MEDAG: variants seen among roughly 807,000 people sequenced by gnomAD.
The protein encoded by MEDAG is mesenteric estrogen dependent adipogenesis, also known as mesenteric estrogen-dependent adipogenesis protein.
A neutral mutation model predicts 29.9 loss-of-function variants in MEDAG; 25 were observed. The observed-to-expected ratio is 0.84, with a 90% CI of 0.61 to 1.17. The LOEUF is 1.17. Among genes scored for constraint, MEDAG ranks in the 50% most tolerant of loss-of-function variants. The pLI, the probability that MEDAG is intolerant of heterozygous loss-of-function variation, is 0.00. For missense variants in MEDAG, 398 were observed against 372.9 expected (o/e 1.07, Z -0.56); for synonymous variants, 158 against 148.2 (o/e 1.07, Z -0.48).
At chr13:30,919,769 T>C (rs976885023) in intron 2 of MEDAG, among the ~76,000 whole-genome samples, 2 of 152,180 alleles carry the variant, frequency 1.3e-5, no homozygotes. Flanking sequence ...CAGTGGCTGG[T>C]CCCTGGCTGT....
intron 1 of MEDAG, among the ~76,000 whole-genome samples, chr13:30,909,446 G>A (rs1317985093): frequency 6.6e-6 from 1 of 152,066 alleles, no homozygotes. Context: ...ACCATATTCT[G>A]GCCTTGGATG....
chr13:30,920,600 AAAG>A (rs1566128858), intron 2 of MEDAG, among the ~76,000 whole-genome samples: 2 of 152,090 alleles, frequency 1.3e-5, no homozygotes, highest in Non-Finnish European at 2.9e-5. Context: ...TAAAAAAAAA[AAAG>A]AAGAAGAAAA....
At position 30,921,733 on chromosome 13, in the gene MEDAG, C is replaced by A; in HGVS notation, c.674C>A (p.Ser225Ter). 1 of 1,613,982 alleles carries A rather than the reference C, an allele frequency of 6.2e-7. No homozygotes were observed. The highest frequency in any genetic ancestry group is 1.1e-5 in the South Asian group (1 of 91,040). ...VKVNGKVLNL[S>*]STSPEKKETI... ...GTAAATGGAAAAGTTCTGAATTTGT[C>A]AAGTACAAGTCCAGAAAAGAAGGAG... Residue 225 changes from serine (S) to a stop codon, truncating the protein, a stop_gained, in exon 4 of 5, where the codon TCA becomes TAA. Transcript: ENST00000380482. LOFTEE classifies it high-confidence loss of function.
At chr13:30,922,903 G>A (rs968823259) in intron 4 of MEDAG, 1 of 152,090 alleles carries the variant, frequency 6.6e-6, no homozygotes, top group African/African-American at 2.4e-5. Context: ...TACAGCCTGT[G>A]TTTTTTTGCT....
chr13:30,923,749 C>A (rs1953012688), intron 4 of MEDAG, among the ~76,000 whole-genome samples: 1 of 152,168 alleles, frequency 6.6e-6, no homozygotes, highest in Admixed American at 6.5e-5. Context: ...CTGTGGGCTG[C>A]CCAGAGTGTC....
At position 30,906,477 on chromosome 13, in the gene MEDAG, C is replaced by A. The variant is rs1474672228; in HGVS notation, c.-39C>A. 1.4e-6 allele frequency: 2 copies of A among 1,438,988 alleles called. No individual in the cohort carries two copies. Among genetic ancestry groups the A allele is most frequent in the Admixed American group, 2.6e-5 (1 of 39,038 alleles). 89.1% of individuals were successfully genotyped at this position (1,438,988 alleles called of 1,614,324 possible). A position where few individuals can be genotyped will look rare whatever the true frequency, so the allele number is the denominator to read the frequency against. On this transcript the variant is annotated 5_prime_UTR_variant, in exon 1 of 5. Coordinates refer to ENST00000380482, the MANE Select transcript of MEDAG (RefSeq NM_032849.4). ...GGTGCCGGCTGGGGGCTGTAGGCACCGGACGGAAGCAGGCGGTGTGAGGAC... is the reference window on the plus strand; with the variant it reads ...GGTGCCGGCTGGGGGCTGTAGGCACAGGACGGAAGCAGGCGGTGTGAGGAC...
At chr13:30,917,187 C>T (rs1952937135) in intron 1 of MEDAG, among the ~76,000 whole-genome samples, 1 of 152,116 alleles carries the variant, frequency 6.6e-6, no homozygotes, top group Non-Finnish European at 1.5e-5. Context: ...GCCAGGACAC[C>T]CCTAGGGCCA....
chr13:30,916,843 A>G (rs1952933935), intron 1 of MEDAG: 1 of 152,450 alleles, frequency 6.6e-6, no homozygotes, highest in Non-Finnish European at 1.5e-5. Flanking sequence ...GTCCAACATC[A>G]GTTGTTTTCG....
Position 30,906,639 on chromosome 13 carries a change from C to T in MEDAG, c.124C>T (p.Arg42Cys), listed in dbSNP as rs759088171. 1 of 1,577,604 alleles carries T rather than the reference C, an allele frequency of 6.3e-7. No homozygotes were observed. The highest frequency in any genetic ancestry group is 1.1e-5 in the South Asian group (1 of 88,018). ...CCTGCTGCCGCTGGCTCAGCTGCTG[C>T]GCCTGCAGCCCGGTGCCTTCCAGCT... ...LALLPLAQLL[R>C]LQPGAFQLSG... The change falls in exon 1 of 5, where the codon CGC (arginine) becomes TGC (cysteine). Residue 42 changes from arginine to cysteine, a missense_variant. By Grantham distance (180) the Arg-to-Cys change is radical. Transcript: ENST00000380482.
At chr13:30,914,575 C>T (rs1335646590) in intron 1 of MEDAG, among the ~76,000 whole-genome samples, 13 of 152,186 alleles carry the variant, frequency 8.5e-5, no homozygotes, top group African/African-American at 2.4e-4. Context: ...AAATGGATAG[C>T]TCATGTGTAG....
intron 1 of MEDAG, among the ~76,000 whole-genome samples, chr13:30,909,927 C>T (rs1472241653): frequency 6.6e-6 from 1 of 152,088 alleles, no homozygotes; most frequent in South Asian, 2.1e-4. Flanking sequence ...TACTAAGTAA[C>T]CTAAAGAAAT....
chr13:30,911,701 A>G (rs1191958900), intron 1 of MEDAG, among the ~76,000 whole-genome samples: 3 of 152,294 alleles, frequency 2.0e-5, no homozygotes, highest in East Asian at 1.9e-4. Flanking sequence ...ACAGAGAACT[A>G]TGCATTTCTC....
intron 1 of MEDAG, among the ~76,000 whole-genome samples, chr13:30,914,107 A>G (rs535745275): frequency 6.6e-6 from 1 of 152,224 alleles, no homozygotes; most frequent in Non-Finnish European, 1.5e-5. Context: ...ATAATCTAGT[A>G]AGGATAGTCT....
Position 30,921,037 on chromosome 13 carries a change from A to T in MEDAG, c.412A>T (p.Asn138Tyr). ...SKERTYAFLV[N>Y]TRHPKIRRQI... ...AGAAAGGACGTACGCGTTTCTTGTA[A>T]ACACGAGGCACCCCAAGATAAGAAG... The change falls in exon 3 of 5, where the codon AAC (asparagine) becomes TAC (tyrosine). Residue 138 changes from asparagine (N) to tyrosine (Y), a missense_variant. Physicochemically the swap from Asn to Tyr is moderately radical, Grantham distance 143. Transcript: ENST00000380482. 6.2e-7 allele frequency: 1 copy of T among 1,614,020 alleles called. No individual in the cohort carries two copies.
intron 1 of MEDAG, among the ~76,000 whole-genome samples, chr13:30,907,425 G>A (rs1015173707): frequency 2.0e-5 from 3 of 152,216 alleles, no homozygotes; most frequent in African/African-American, 7.2e-5. Context: ...GATAAGTTCT[G>A]GGGAAATAAG....
At position 30,924,455 on chromosome 13, in the gene MEDAG, A is replaced by C. The variant is rs1953021606; in HGVS notation, c.*20A>C. On this transcript the variant is annotated 3_prime_UTR_variant, in exon 5 of 5. Coordinates refer to ENST00000380482, the MANE Select transcript of MEDAG (RefSeq NM_032849.4). ...ATCTGATTGAACTGAACATTGTAGC[A>C]GTTGCTCCCGCACTCCAGGCCTGTG... The C allele has an allele frequency of 6.2e-7, 1 of 1,612,546 alleles. No homozygotes were observed. The highest frequency in any genetic ancestry group is 1.3e-5 in the African/African-American group (1 of 74,998).
rs918804675 is a variant in MEDAG, at chr13:30,925,373, A to G, written c.*938A>G. The G allele has an allele frequency of 6.6e-6, 1 of 152,206 alleles. No individual in the cohort carries two copies. Among genetic ancestry groups the G allele is most frequent in the East Asian group, 1.9e-4 (1 of 5,204 alleles). 9.4% of individuals were successfully genotyped at this position (152,206 alleles called of 1,614,324 possible). ...AAAACCTGCATGAATGAATCACTAC[A>G]TATGCTTATAATGAGGAAGAGTTAT... On this transcript the variant is annotated 3_prime_UTR_variant, in exon 5 of 5. Transcript: ENST00000380482.
chr13:30,921,277 TG>T lies in MEDAG; in HGVS notation c.501+153del. On this transcript the variant is annotated intron_variant, in intron 3 of 4. Transcript: ENST00000380482. ...CATTCAGACACTTTGTTCTCAAAGG[TG>T]GCATTATTGCTACCAATAAAATGAG... The T allele has an allele frequency of 5.9e-6, 4 of 679,146 alleles. No individual in the cohort carries two copies. The South Asian group carries it at 8.5e-5, about 14-fold the overall frequency. 42.1% of individuals were successfully genotyped at this position (679,146 alleles called of 1,614,324 possible).
intron 1 of MEDAG, among the ~76,000 whole-genome samples, chr13:30,913,369 C>T (rs2138118792): frequency 6.6e-6 from 1 of 152,266 alleles, no homozygotes; most frequent in African/African-American, 2.4e-5. Flanking sequence ...GCATGCACCA[C>T]CACACCTGGC....
Sources: allele counts gnomAD v4.1 joint callset (sites outside exome capture counted in the v4.1 genomes callset), GRCh38; gene constraint gnomAD v4.1.1; transcripts MANE v1.5; gene names NCBI Gene and HGNC (gene_info 2026-07-23, HGNC 2026-07-21).